Variants in PHF20L1 observed in about 807,000 individuals in gnomAD.
The protein encoded by PHF20L1 is PHD finger protein 20-like protein 1.
Under a neutral mutation model 125.5 loss-of-function variants are expected in PHF20L1, and 44 were observed. The ratio of observed to expected loss-of-function variants is 0.35; its 90% confidence interval spans 0.28 to 0.45. PHF20L1 has a LOEUF of 0.45. PHF20L1 is among the 20% of genes least tolerant of loss of function. The pLI, the probability that PHF20L1 is intolerant of heterozygous loss-of-function variation, is 1.00. For synonymous variants in PHF20L1, 380 were observed against 403.1 expected (o/e 0.94, Z 0.69); for missense variants, 1,012 against 1,217.2 (o/e 0.83, Z 2.51).
intron 15 of PHF20L1, among the ~76,000 whole-genome samples, chr8:132,834,774 T>C (rs1837156918): frequency 6.6e-6 from 1 of 152,032 alleles, no homozygotes; most frequent in South Asian, 2.1e-4. Context: ...TTAGGTTCTT[T>C]TAAAACAAGT....
chr8:132,795,074 TATATC>T (rs1177440202), intron 4 of PHF20L1, among the ~76,000 whole-genome samples: 1 of 152,184 alleles, frequency 6.6e-6, no homozygotes, highest in African/African-American at 2.4e-5. Context: ...TTCACAGGCT[TATATC>T]ATATACATTT....
chr8:132,810,919 C>A, intron 8 of PHF20L1, 127 bp from the exon 9 acceptor site: 1 of 671,958 alleles, frequency 1.5e-6, no homozygotes, highest in Non-Finnish European at 2.7e-6. Context: ...GAAAAGAAAA[C>A]ATTTGAGATT....
chr8:132,788,217 G>T (rs1831276011), intron 2 of PHF20L1, among the ~76,000 whole-genome samples: 1 of 152,034 alleles, frequency 6.6e-6, no homozygotes, highest in Non-Finnish European at 1.5e-5. Flanking sequence ...GTTGAATTGT[G>T]TTAACTTACT....
chr8:132,794,370 T>A lies in PHF20L1; in HGVS notation c.84-40T>A, dbSNP rs545004812. On this transcript the variant is annotated intron_variant, in intron 2 of 20. Coordinates refer to ENST00000395386, the MANE Select transcript of PHF20L1 (RefSeq NM_016018.5). ...GTATAATGCTTTGTATAAACAAATATAAGGATTTTCTCTTTATATGAAGCA... is the reference window on the plus strand; with the variant it reads ...GTATAATGCTTTGTATAAACAAATAAAAGGATTTTCTCTTTATATGAAGCA... The A allele has an allele frequency of 2.3e-6, 3 of 1,291,206 alleles. No homozygotes were observed. The East Asian group carries it at 6.9e-5, about 30-fold the overall frequency. 80.0% of individuals were successfully genotyped at this position (1,291,206 alleles called of 1,614,324 possible).
chr8:132,829,508 T>C (rs971262210), intron 14 of PHF20L1, among the ~76,000 whole-genome samples: 1 of 152,020 alleles, frequency 6.6e-6, no homozygotes, highest in African/African-American at 2.4e-5. Flanking sequence ...CTAAGTAATA[T>C]GGTGTTGGGC....
rs369054054 is a variant in PHF20L1, at chr8:132,803,984, C to A, written c.673C>A (p.Pro225Thr). ...KEETSTCIAT[P>T]DVEKKEDLPT... ...GGAAACTTCAACTTGTATAGCCACA[C>A]CAGACGTAGAGAAGAAGGAAGATCT... Residue 225 changes from proline (P) to threonine (T), a missense_variant, in exon 7 of 21, where the codon CCA (proline) becomes ACA (threonine). Pro to Thr is a conservative substitution (Grantham distance 38). Coordinates refer to ENST00000395386, the MANE Select transcript of PHF20L1 (RefSeq NM_016018.5). 14 of 1,612,006 alleles carry A rather than the reference C, an allele frequency of 8.7e-6. No homozygotes were observed. The highest frequency in any genetic ancestry group is 1.1e-5 in the Non-Finnish European group (13 of 1,178,496).
chr8:132,780,772 CT>C (rs1182410523), intron 2 of PHF20L1, among the ~76,000 whole-genome samples: 1 of 151,610 alleles, frequency 6.6e-6, no homozygotes, highest in African/African-American at 2.4e-5. Context: ...GATAAATCAC[CT>C]TTTGAAGAGA....
At chr8:132,811,747 C>T in intron 9 of PHF20L1, 1 of 984,596 alleles carries the variant, frequency 1.0e-6, no homozygotes, top group Non-Finnish European at 1.2e-6. Context: ...ATGAACTGTG[C>T]ATGCTTTTAC....
chr8:132,789,157 A>G (rs1211363703), intron 2 of PHF20L1, among the ~76,000 whole-genome samples: 1 of 152,194 alleles, frequency 6.6e-6, no homozygotes, highest in African/African-American at 2.4e-5. Flanking sequence ...TTGATACAAC[A>G]GGGAACTGAT....
chr8:132,819,886 A>G (rs919652186), intron 12 of PHF20L1, among the ~76,000 whole-genome samples: 6 of 151,904 alleles, frequency 3.9e-5, no homozygotes, highest in African/African-American at 1.4e-4. Flanking sequence ...TGAGGGTGTT[A>G]GTTGCTAACT....
intron 18 of PHF20L1, 119 bp downstream of exon 18, chr8:132,839,701 T>C: frequency 1.5e-6 from 1 of 669,800 alleles, no homozygotes; most frequent in Non-Finnish European, 2.6e-6. Context: ...GGTATTTGAA[T>C]AAAGTTTCAT....
At chr8:132,784,545 A>G (rs1022728001) in intron 2 of PHF20L1, among the ~76,000 whole-genome samples, 1 of 152,182 alleles carries the variant, frequency 6.6e-6, no homozygotes, top group Non-Finnish European at 1.5e-5. Context: ...TAAATAACAC[A>G]AACTTGAGGC....
intron 9 of PHF20L1, chr8:132,812,517 T>C (rs1030059448): frequency 7.1e-6 from 7 of 984,744 alleles, no homozygotes; most frequent in Non-Finnish European, 8.4e-6. Context: ...TTAAAAACTT[T>C]TGAGAGTCCT....
In PHF20L1 at chr8:132,848,152, T is replaced by C. The variant is rs964411525; in HGVS notation, c.*2229T>C. ...TTCATGCACATTTGTTCTTGTAGTT[T>C]CTAAAAATTAGATCAATTTATTTGT... On this transcript the variant is annotated 3_prime_UTR_variant, in exon 21 of 21. Coordinates refer to ENST00000395386, the MANE Select transcript of PHF20L1 (RefSeq NM_016018.5). The C allele has an allele frequency of 3.9e-5, 6 of 152,122 alleles. No homozygotes were observed. The highest frequency in any genetic ancestry group is 3.9e-4 in the Admixed American group (6 of 15,260). 9.4% of individuals were successfully genotyped at this position (152,122 alleles called of 1,614,324 possible). A position where few individuals can be genotyped will look rare whatever the true frequency, so the allele number is the denominator to read the frequency against.
At chr8:132,821,175 A>G (rs551296315) in intron 12 of PHF20L1, among the ~76,000 whole-genome samples, 3 of 152,038 alleles carry the variant, frequency 2.0e-5, no homozygotes, top group African/African-American at 7.2e-5. Flanking sequence ...AAGTCATCTT[A>G]GTTTTTGAAT....
At chr8:132,780,974 A>G (rs1422099793) in intron 2 of PHF20L1, among the ~76,000 whole-genome samples, 1 of 150,998 alleles carries the variant, frequency 6.6e-6, no homozygotes, top group Non-Finnish European at 1.5e-5. Context: ...CCTCTTGAAT[A>G]GCTGGAACTA....
At chr8:132,798,132 G>A (rs1832632600) in intron 4 of PHF20L1, among the ~76,000 whole-genome samples, 1 of 151,998 alleles carries the variant, frequency 6.6e-6, no homozygotes, top group African/African-American at 2.4e-5. Flanking sequence ...AGATGAGATT[G>A]GAAGTATTAA....
At chr8:132,836,469 C>A in intron 15 of PHF20L1, 71 bp from the exon 16 acceptor site, 1 of 991,936 alleles carries the variant, frequency 1.0e-6, no homozygotes, top group South Asian at 1.6e-5. Flanking sequence ...CTTCTCATAG[C>A]TCCTTTCTTT....
At chr8:132,804,776 A>T (rs1374936276) in intron 8 of PHF20L1, 36 bp downstream of exon 8, 1 of 1,548,174 alleles carries the variant, frequency 6.5e-7, no homozygotes. Context: ...AGGGGGGGAA[A>T]TGGAAGGTTT....
Sources: gnomAD v4.1 joint callset for allele counts (sites outside exome capture counted in the v4.1 genomes callset) on GRCh38, gnomAD v4.1.1 for gene constraint, MANE v1.5 for transcripts, NCBI Gene and HGNC (gene_info 2026-07-23, HGNC 2026-07-21) for gene names.